Variants in ZNF586 observed in about 807,000 individuals in gnomAD.
The protein encoded by ZNF586 is zinc finger protein 586.
Under a neutral mutation model 6.7 loss-of-function variants are expected in ZNF586, and 7 were observed. The ratio of observed to expected loss-of-function variants is 1.04; its 90% confidence interval spans 0.59 to 1.95. The LOEUF is 1.95. Among genes scored for constraint, ZNF586 ranks in the 30% most tolerant of loss-of-function variants. ZNF586 has a pLI of 0.00. For synonymous variants in ZNF586, 166 were observed against 168.7 expected (o/e 0.98, Z 0.12); for missense variants, 442 against 489.6 (o/e 0.90, Z 0.92).
chr19:57,776,102 T>C (rs1987230263), intron 1 of ZNF586, among the ~76,000 whole-genome samples: 1 of 152,190 alleles, frequency 6.6e-6, no homozygotes, highest in Middle Eastern at 3.2e-3. Context: ...ATTAAAATAC[T>C]GTAACTTCTG....
intron 1 of ZNF586, among the ~76,000 whole-genome samples, chr19:57,771,024 G>A (rs902472597): frequency 2.6e-5 from 4 of 151,950 alleles, no homozygotes; most frequent in African/African-American, 9.7e-5. Context: ...TTTCACGGCC[G>A]GGCGCGGTGG....
intron 1 of ZNF586, 70 bp from the exon 2 acceptor site, chr19:57,776,473 G>T (rs1987237887): frequency 6.5e-7 from 1 of 1,535,140 alleles, no homozygotes; most frequent in Admixed American, 2.1e-5. Context: ...GGGTAGATAT[G>T]TTGGGGAAGT....
chr19:57,779,528 G>T lies in ZNF586; in HGVS notation c.941G>T (p.Gly314Val). The T allele has an allele frequency of 1.2e-6, 2 of 1,613,882 alleles. No homozygotes were observed. The highest frequency in any genetic ancestry group is 1.7e-6 in the Non-Finnish European group (2 of 1,180,006). ...ATTCACCATCAGCGAGTTCATACTGGAGAAAGGCATGAGTGCGGGCAGTGT... is the reference window on the plus strand; with the variant it reads ...ATTCACCATCAGCGAGTTCATACTGTAGAAAGGCATGAGTGCGGGCAGTGT... The part of the protein sequence containing the change: ...NLIHHQRVHT[G>V]ERHECGQCGK... Residue 314 changes from glycine to valine, a missense_variant, in exon 3 of 3, where the codon GGA (glycine) becomes GTA (valine). By Grantham distance (109) the Gly-to-Val change is moderately radical. Coordinates refer to ENST00000396154, the MANE Select transcript of ZNF586 (RefSeq NM_017652.4).
At chr19:57,774,245 G>A (rs918952060) in intron 1 of ZNF586, among the ~76,000 whole-genome samples, 1 of 144,232 alleles carries the variant, frequency 6.9e-6, no homozygotes, top group Admixed American at 7.1e-5. Flanking sequence ...AAAGTCAGCC[G>A]GGCGCGGTGG....
At chr19:57,773,604 A>G (rs1484110350) in intron 1 of ZNF586, among the ~76,000 whole-genome samples, 3 of 152,100 alleles carry the variant, frequency 2.0e-5, no homozygotes, top group East Asian at 3.9e-4. Flanking sequence ...GGGTTTCACC[A>G]TCTTGGCTAG....
chr19:57,774,519 A>C (rs1273580461), intron 1 of ZNF586, among the ~76,000 whole-genome samples: 3 of 149,682 alleles, frequency 2.0e-5, no homozygotes, highest in Non-Finnish European at 4.4e-5. Flanking sequence ...GTGAAACTCC[A>C]TCTCAAAAAT....
chr19:57,770,361 G>A (rs1987066133), intron 1 of ZNF586, among the ~76,000 whole-genome samples: 1 of 152,126 alleles, frequency 6.6e-6, no homozygotes, highest in South Asian at 2.1e-4. Flanking sequence ...CTGACCTTAG[G>A]TGATCCGCCC....
intron 2 of ZNF586, among the ~76,000 whole-genome samples, chr19:57,778,129 T>C (rs965456477): frequency 4.0e-5 from 6 of 149,300 alleles, no homozygotes; most frequent in African/African-American, 1.5e-4. Flanking sequence ...TGGAGTGCAG[T>C]GGCACAGTCT....
rs1371286432 is a variant in ZNF586 at position 57,779,353 on chromosome 19, C to A, written c.766C>A (p.His256Asn). ...NSSLIKHLRV[H>N]TGERPYECVE... The stretch of plus-strand genomic sequence containing the variant: ...CAGTCTTATTAAACACTTGAGAGTT[C>A]ACACAGGAGAAAGGCCTTATGAATG... The change falls in exon 3 of 3, where the codon CAC (histidine) becomes AAC (asparagine). Residue 256 changes from histidine to asparagine, a missense_variant. Transcript: ENST00000396154. The A allele has an allele frequency of 1.2e-6, 2 of 1,613,042 alleles. No individual in the cohort carries two copies. Among genetic ancestry groups the A allele is most frequent in the African/African-American group, 2.7e-5 (2 of 74,482 alleles).
Position 57,779,489 on chromosome 19 carries a change from T to C in ZNF586, c.902T>C (p.Leu301Ser). The change falls in exon 3 of 3, where the codon TTA becomes TCA. Residue 301 changes from leucine (L) to serine (S), a missense_variant. Coordinates refer to ENST00000396154, the MANE Select transcript of ZNF586 (RefSeq NM_017652.4). ...AGTGAATGTGGGAAATCCTTTAGCT[T>C]AAGGTCCAACCTCATTCACCATCAG... ...ECSECGKSFSLRSNLIHHQRV... is the reference protein window; with the variant it reads ...ECSECGKSFSSRSNLIHHQRV... The C allele has an allele frequency of 2.5e-6, 4 of 1,613,912 alleles. No individual in the cohort carries two copies. The highest frequency in any genetic ancestry group is 3.4e-6 in the Non-Finnish European group (4 of 1,179,976).
At position 57,775,364 on chromosome 19, in the gene ZNF586, G is replaced by A. The variant is rs899663234; in HGVS notation, c.37-1179G>A. On this transcript the variant is annotated intron_variant, in intron 1 of 2. Coordinates refer to ENST00000396154, the MANE Select transcript of ZNF586 (RefSeq NM_017652.4). ...GCCAGTTGCAGCTGGGTGTGGTATC[G>A]CACACCTGTGGTCCCAGCTACTCAG... Among the ~76,000 whole-genome samples the A allele has an allele frequency of 5.3e-5, 8 of 151,974 alleles. No individual in the cohort carries two copies. The South Asian group carries it at 8.3e-4, about 16-fold the overall frequency.
Position 57,779,251 on chromosome 19 carries a change from A to G in ZNF586, c.664A>G (p.Ile222Val). Reference sequence around the variant, plus strand: ...GTCCTTTGCTTATACATCTAGTCTCATTAAACACAGGAGGATTCACACTGG... The same window carrying G: ...GTCCTTTGCTTATACATCTAGTCTCGTTAAACACAGGAGGATTCACACTGG... Reference protein sequence around the residue: ...GKSFAYTSSLIKHRRIHTGER... With the variant: ...GKSFAYTSSLVKHRRIHTGER... Residue 222 changes from isoleucine (I) to valine (V), a missense_variant, in exon 3 of 3, where the codon ATT (isoleucine) becomes GTT (valine). Ile to Val is a conservative substitution (Grantham distance 29). Transcript: ENST00000396154. The G allele has an allele frequency of 1.2e-6, 2 of 1,613,608 alleles. No homozygotes were observed. Among genetic ancestry groups the G allele is most frequent in the African/African-American group, 2.7e-5 (2 of 74,990 alleles).
chr19:57,773,351 G>A (rs1464470269), intron 1 of ZNF586, among the ~76,000 whole-genome samples: 1 of 151,366 alleles, frequency 6.6e-6, no homozygotes, highest in African/African-American at 2.4e-5. Context: ...AGAAACACAG[G>A]TAAGGGAGGT....
Position 57,779,168 on chromosome 19 carries a change from T to A in ZNF586, c.581T>A (p.Ile194Asn). ...GKAFAEKSSLINHRKVHSGAK... is the reference protein window; with the variant it reads ...GKAFAEKSSLNNHRKVHSGAK... ...GCCTTTGCTGAAAAGTCCAGTCTCA[T>A]TAACCACAGGAAAGTTCACTCTGGA... Residue 194 changes from isoleucine to asparagine, a missense_variant, in exon 3 of 3, where the codon ATT (isoleucine) becomes AAT (asparagine). Physicochemically the swap from Ile to Asn is moderately radical, Grantham distance 149. Transcript: ENST00000396154. 2.5e-6 allele frequency: 4 copies of A among 1,613,800 alleles called. No homozygotes were observed. Among genetic ancestry groups the A allele is most frequent in the Non-Finnish European group, 3.4e-6 (4 of 1,179,950 alleles).
rs1397952798 is a variant in ZNF586 at position 57,779,583 on chromosome 19, T to C, written c.996T>C (p.Leu332=). Residue 332 remains leucine, a synonymous_variant, in exon 3 of 3, where the codon CTT becomes CTC. Transcript: ENST00000396154. ...CGKSFSRKSS[L]IIHLRVHTGE... is the part of the protein sequence containing the mutation. ...AATCCTTTAGCCGAAAATCTAGCCT[T>C]ATTATACATCTGAGAGTTCACACTG... 1.9e-6 allele frequency: 3 copies of C among 1,609,438 alleles called. No individual in the cohort carries two copies. Among genetic ancestry groups the C allele is most frequent in the African/African-American group, 2.7e-5 (2 of 73,310 alleles).
At chr19:57,775,281 G>T (rs927689768) in intron 1 of ZNF586, among the ~76,000 whole-genome samples, 2 of 152,118 alleles carry the variant, frequency 1.3e-5, no homozygotes, top group African/African-American at 4.8e-5. Flanking sequence ...AGGCGTGGGC[G>T]TGAGCCACCG....
chr19:57,778,989 G>C lies in ZNF586; in HGVS notation c.402G>C (p.Lys134Asn), dbSNP rs777101703. 1.1e-5 allele frequency: 18 copies of C among 1,613,666 alleles called. 1 individual carries two copies. The Admixed American group carries it at 2.8e-4, about 25-fold the overall frequency. The change falls in exon 3 of 3, where the codon AAG becomes AAC. Residue 134 changes from lysine to asparagine, a missense_variant. Transcript: ENST00000396154. ...AATATGGGAAATTATTTCACCAAAA[G>C]CCTACACTCCATATTCATGAGAGAT... ...CSKYGKLFHQKPTLHIHERFH... is the reference protein window; with the variant it reads ...CSKYGKLFHQNPTLHIHERFH...
Position 57,779,534 on chromosome 19 carries a change from G to A in ZNF586, c.947G>A (p.Arg316Lys). Residue 316 changes from arginine (R) to lysine (K), a missense_variant, in exon 3 of 3, where the codon AGG becomes AAG. By Grantham distance (26) the Arg-to-Lys change is conservative. Transcript: ENST00000396154. Reference sequence around the variant, plus strand: ...CATCAGCGAGTTCATACTGGAGAAAGGCATGAGTGCGGGCAGTGTGGGAAA... The same window carrying A: ...CATCAGCGAGTTCATACTGGAGAAAAGCATGAGTGCGGGCAGTGTGGGAAA... ...IHHQRVHTGE[R>K]HECGQCGKSF... is the part of the protein sequence containing the mutation. 1 of 1,613,866 alleles carries A rather than the reference G, an allele frequency of 6.2e-7. No homozygotes were observed. The highest frequency in any genetic ancestry group is 8.5e-7 in the Non-Finnish European group (1 of 1,179,978).
intron 1 of ZNF586, among the ~76,000 whole-genome samples, chr19:57,774,157 A>T (rs950395331): frequency 6.9e-6 from 1 of 145,130 alleles, no homozygotes; most frequent in Non-Finnish European, 1.5e-5. Flanking sequence ...CAGAGGTTGC[A>T]GTGAACCGAG....
Sources: allele counts gnomAD v4.1 joint callset (sites outside exome capture counted in the v4.1 genomes callset), GRCh38; gene constraint gnomAD v4.1.1; transcripts MANE v1.5; gene names NCBI Gene and HGNC (gene_info 2026-07-23, HGNC 2026-07-21).